The following UGT2A1 variants were observed in gnomAD, a reference collection of about 807,000 sequenced individuals.
The protein encoded by UGT2A1 is UDP-glucuronosyltransferase 2A1.
UGT2A1 carries 61 observed loss-of-function variants against 45.4 expected under a neutral mutation model. That is an observed-to-expected ratio of 1.34 (90% CI 1.09 to 1.66). The LOEUF (loss-of-function observed/expected upper bound fraction) is 1.66, where lower values mean the gene tolerates loss of function less well. Ranked by LOEUF, UGT2A1 falls within the 40% of genes most tolerant of loss-of-function variation. UGT2A1 has a pLI of 0.00. For missense variants in UGT2A1, 649 were observed against 574.3 expected, an observed-to-expected ratio of 1.13 and a Z score of -1.33; for synonymous variants, 229 against 196.2, an observed-to-expected ratio of 1.17 and a Z score of -1.40.
At position 69,596,130 on chromosome 4, in the gene UGT2A1, TG is replaced by T. The variant is rs375567613; in HGVS notation, c.997-882del. 5.6e-3 allele frequency: 7,288 copies of T among 1,294,140 alleles called. 47 individuals carry two copies. The highest frequency in any genetic ancestry group is 0.029 in the South Asian group (928 of 32,276). 80.2% of individuals were successfully genotyped at this position (1,294,140 alleles called of 1,614,324 possible). ...TATATTACACAACGTTACTTACAACTGTTACTAGTGATACTCAGTGTATAAT... is the reference window on the plus strand; with the variant it reads ...TATATTACACAACGTTACTTACAACTTTACTAGTGATACTCAGTGTATAAT... On this transcript the variant is annotated intron_variant, in intron 4 of 6. Transcript: ENST00000286604.
At chr4:69,590,459 T>C (rs1030809779) in intron 6 of UGT2A1, among the ~76,000 whole-genome samples, 1 of 152,206 alleles carries the variant, frequency 6.6e-6, no homozygotes, top group Non-Finnish European at 1.5e-5. Context: ...TTTTGGTTTG[T>C]GTCTGGAAGA....
At chr4:69,595,041 A>T in intron 5 of UGT2A1, 121 bp downstream of exon 5, 2 of 1,360,328 alleles carry the variant, frequency 1.5e-6, no homozygotes, top group Non-Finnish European at 2.0e-6. Flanking sequence ...TATCTGCTTT[A>T]AAATTGAGTG....
chr4:69,590,273 C>G (rs895114744), intron 6 of UGT2A1, among the ~76,000 whole-genome samples: 1 of 152,174 alleles, frequency 6.6e-6, no homozygotes, highest in African/African-American at 2.4e-5. Flanking sequence ...TCAATTGAAA[C>G]ATCTCCCTAG....
chr4:69,606,963 G>A (rs1267340776), intron 3 of UGT2A1, among the ~76,000 whole-genome samples: 1 of 136,436 alleles, frequency 7.3e-6, no homozygotes, highest in African/African-American at 3.0e-5. Context: ...TGGGTAGGAA[G>A]AATCAATATC....
At position 69,642,346 on chromosome 4, in the gene UGT2A1, T is replaced by G. The variant is rs4148287; in HGVS notation, c.715+4584A>C. ...AAAAGGGAATGATACTAGAAGATTTTTCAAAGATTCTAACCAATCAAGATC... is the reference window on the plus strand; with the variant it reads ...AAAAGGGAATGATACTAGAAGATTTGTCAAAGATTCTAACCAATCAAGATC... On this transcript the variant is annotated intron_variant, in intron 2 of 6. Transcript: ENST00000286604. 2.0e-4 allele frequency among the ~76,000 whole-genome samples: 31 copies of G among 151,772 alleles called. No homozygotes were observed. The East Asian group carries it at 6.0e-3, about 30-fold the overall frequency.
At chr4:69,613,089 C>T (rs1437205266) in intron 3 of UGT2A1, among the ~76,000 whole-genome samples, 1 of 151,794 alleles carries the variant, frequency 6.6e-6, no homozygotes, top group East Asian at 1.9e-4. Context: ...ATAGACACTT[C>T]ACAAAAGAAG....
At chr4:69,631,758 A>G (rs912809151) in intron 3 of UGT2A1, among the ~76,000 whole-genome samples, 1 of 152,120 alleles carries the variant, frequency 6.6e-6, no homozygotes, top group African/African-American at 2.4e-5. Context: ...TGGGAATTTG[A>G]AGACTACGGA....
intron 3 of UGT2A1, among the ~76,000 whole-genome samples, chr4:69,625,592 A>T (rs1488409686): frequency 6.6e-6 from 1 of 151,328 alleles, no homozygotes; most frequent in African/African-American, 2.4e-5. Context: ...CATCTCTGGT[A>T]GTTTAATGTG....
At chr4:69,599,440 T>C (rs771477196) in intron 3 of UGT2A1, 46 bp from the exon 4 acceptor site, 2 of 1,587,278 alleles carry the variant, frequency 1.3e-6, no homozygotes, top group South Asian at 2.3e-5. Context: ...AGCTTATATG[T>C]TTGCTGAGGA....
intron 2 of UGT2A1, among the ~76,000 whole-genome samples, chr4:69,637,671 A>G (rs559520674): frequency 3.1e-4 from 47 of 152,220 alleles, no homozygotes; most frequent in African/African-American, 1.1e-3. Context: ...CTTTATTATT[A>G]CATAGCATAT....
intron 4 of UGT2A1, chr4:69,596,192 C>T: frequency 7.1e-7 from 1 of 1,414,318 alleles, no homozygotes; most frequent in Non-Finnish European, 9.3e-7. Context: ...ACATTACTAG[C>T]TGCATTGTCT....
chr4:69,648,097 C>T (rs1217331223), intron 1 of UGT2A1, among the ~76,000 whole-genome samples: 1 of 151,334 alleles, frequency 6.6e-6, no homozygotes, highest in Non-Finnish European at 1.5e-5. Flanking sequence ...ATTTTTAATG[C>T]ATGAATATAA....
intron 3 of UGT2A1, among the ~76,000 whole-genome samples, chr4:69,606,433 A>C (rs2109905909): frequency 7.3e-6 from 1 of 136,834 alleles, no homozygotes; most frequent in Admixed American, 7.2e-5. Flanking sequence ...CAAAATAATA[A>C]GAGCTATCTA....
chr4:69,643,780 G>A (rs1424747169), intron 2 of UGT2A1, among the ~76,000 whole-genome samples: 3 of 151,530 alleles, frequency 2.0e-5, no homozygotes, highest in African/African-American at 7.3e-5. Flanking sequence ...GAGGCTGTTC[G>A]AGGCCTGAGT....
At chr4:69,607,259 A>G (rs1402881895) in intron 3 of UGT2A1, among the ~76,000 whole-genome samples, 4 of 150,394 alleles carry the variant, frequency 2.7e-5, no homozygotes, top group Non-Finnish European at 3.0e-5. Flanking sequence ...CTCAGAAATA[A>G]TGCTGCGTAT....
In UGT2A1 at chr4:69,638,861, G is replaced by A. The variant is rs779868741; in HGVS notation, c.716-3039C>T. The stretch of plus-strand genomic sequence containing the variant: ...CATATGACAATAAGAATAAATAAGG[G>A]ATGTGGAGTCATTAAAAAGAGAAAA... On this transcript the variant is annotated intron_variant, in intron 2 of 6. Coordinates refer to ENST00000286604, the MANE Select transcript of UGT2A1 (RefSeq NM_001252275.3). The A allele has an allele frequency of 3.1e-5, 46 of 1,503,850 alleles. 1 individual carries two copies. The South Asian group carries it at 6.3e-4, about 21-fold the overall frequency. The allele number at this position is 1,503,850 out of a possible 1,614,324, so 93.2% of individuals were successfully genotyped here.
At chr4:69,643,160 G>A (rs4148286) in intron 2 of UGT2A1, among the ~76,000 whole-genome samples, 116,480 of 151,134 alleles carry the variant, frequency 0.77, 45,112 homozygotes, top group African/African-American at 0.84. Flanking sequence ...CTCCTTAATG[G>A]ATAGTAAATT....
chr4:69,647,386 T>A lies in UGT2A1; in HGVS notation c.259A>T (p.Ile87Phe). 1.2e-6 allele frequency: 2 copies of A among 1,613,206 alleles called. No individual in the cohort carries two copies. Among genetic ancestry groups the A allele is most frequent in the Non-Finnish European group, 1.7e-6 (2 of 1,179,482 alleles). Reference sequence around the variant, plus strand: ...AGCCATGTCAAAACGAAGTCCTTAATTACTCCTTCTATTCTTTCTTTGCCA... The same window carrying A: ...AGCCATGTCAAAACGAAGTCCTTAAATACTCCTTCTATTCTTTCTTTGCCA... ...PFGKERIEGV[I>F]KDFVLTWLEN... The change falls in exon 2 of 7, where the codon ATT becomes TTT. Residue 87 changes from isoleucine to phenylalanine, a missense_variant. Coordinates refer to ENST00000286604, the MANE Select transcript of UGT2A1 (RefSeq NM_001252275.3).
At chr4:69,599,695 AAG>A (rs138740078) in intron 3 of UGT2A1, 128 of 200,162 alleles carry the variant, frequency 6.4e-4, no homozygotes, top group Middle Eastern at 1.7e-3. Flanking sequence ...GAAATAAAGA[AAG>A]AGAGAGAGAG....
Sources: allele counts gnomAD v4.1 joint callset (sites outside exome capture counted in the v4.1 genomes callset), GRCh38; gene constraint gnomAD v4.1.1; transcripts MANE v1.5; gene names NCBI Gene and HGNC (gene_info 2026-07-23, HGNC 2026-07-21).